The following TNR variants were observed in gnomAD, a reference collection of about 807,000 sequenced individuals.
TNR encodes the protein tenascin R, also known as tenascin-R.
A neutral mutation model predicts 150.4 loss-of-function variants in TNR; 45 were observed. The observed-to-expected ratio is 0.30, with a 90% CI of 0.24 to 0.38. The LOEUF (loss-of-function observed/expected upper bound fraction) is 0.38, where lower values mean the gene tolerates loss of function less well. TNR is among the 10% of genes least tolerant of loss of function. The probability of loss-of-function intolerance (pLI) is 1.00; values close to 1 mark genes in which losing one functional copy is unlikely to be tolerated. For missense variants in TNR, 1,544 were observed against 1,759.1 expected, an observed-to-expected ratio of 0.88 and a Z score of 2.19; for synonymous variants, 687 against 678.4, an observed-to-expected ratio of 1.01 and a Z score of -0.20.
intron 1 of TNR, among the ~76,000 whole-genome samples, chr1:175,730,366 G>A (rs1667606436): frequency 6.6e-6 from 1 of 152,090 alleles, no homozygotes; most frequent in Admixed American, 6.5e-5. Context: ...ACTCCTACCT[G>A]ACACAGCTGG....
intron 1 of TNR, among the ~76,000 whole-genome samples, chr1:175,655,425 A>G (rs942996996): frequency 6.6e-6 from 1 of 152,222 alleles, no homozygotes; most frequent in African/African-American, 2.4e-5. Context: ...TCTGCAGATA[A>G]GCTAAGGCTC....
At chr1:175,696,432 A>G (rs914138624) in intron 1 of TNR, among the ~76,000 whole-genome samples, 4 of 152,100 alleles carry the variant, frequency 2.6e-5, no homozygotes, top group African/African-American at 9.7e-5. Flanking sequence ...CTGAAGACAT[A>G]AAGGTTGTTC....
At chr1:175,366,610 G>A (rs926969006) in intron 10 of TNR, among the ~76,000 whole-genome samples, 1 of 152,234 alleles carries the variant, frequency 6.6e-6, no homozygotes, top group African/African-American at 2.4e-5. Flanking sequence ...TTGTCCATGT[G>A]GTTCTCTAGA....
intron 2 of TNR, among the ~76,000 whole-genome samples, chr1:175,433,889 G>A (rs1655381331): frequency 6.6e-6 from 1 of 152,196 alleles, no homozygotes; most frequent in Non-Finnish European, 1.5e-5. Context: ...TCCTTCAGGA[G>A]GTTAGTACCC....
At chr1:175,675,331 C>T (rs1665827200) in intron 1 of TNR, among the ~76,000 whole-genome samples, 2 of 152,218 alleles carry the variant, frequency 1.3e-5, no homozygotes, top group South Asian at 4.1e-4. Flanking sequence ...CACGGCTTGG[C>T]ACTGCCAACC....
Position 175,406,746 on chromosome 1 carries a change from G to C in TNR, c.-32C>G. Reference sequence around the variant, plus strand: ...AGCCAGAGATCTGGGTTCAGGACCAGCCTGCAGCACACAGCATGGAGTTGT... The same window carrying C: ...AGCCAGAGATCTGGGTTCAGGACCACCCTGCAGCACACAGCATGGAGTTGT... On this transcript the variant is annotated 5_prime_UTR_variant, in exon 3 of 23. Transcript: ENST00000367674. The C allele has an allele frequency of 6.2e-7, 1 of 1,605,306 alleles. No individual in the cohort carries two copies. The highest frequency in any genetic ancestry group is 2.2e-5 in the East Asian group (1 of 44,824).
chr1:175,315,935 G>C lies in TNR; in HGVS notation c.*7422C>G, dbSNP rs1271162594. The C allele has an allele frequency of 6.6e-6, 1 of 152,114 alleles. No individual in the cohort carries two copies. The highest frequency in any genetic ancestry group is 2.4e-5 in the African/African-American group (1 of 41,398). The allele number at this position is 152,114 out of a possible 1,614,324, so 9.4% of individuals were successfully genotyped here. On this transcript the variant is annotated 3_prime_UTR_variant, in exon 23 of 23. Coordinates refer to ENST00000367674, the MANE Select transcript of TNR (RefSeq NM_003285.3). ...GTCTGTGGGACCATGGTGTGAGTCT[G>C]GGCCTCCGCAGTTGGTAAAGGAGCA...
At chr1:175,498,063 ACAACAACAG>A (rs1457824173) in intron 2 of TNR, among the ~76,000 whole-genome samples, 1 of 152,016 alleles carries the variant, frequency 6.6e-6, no homozygotes, top group Non-Finnish European at 1.5e-5. Context: ...CCATCTCAAA[ACAACAACAG>A]CAACAACAAC....
At chr1:175,675,185 C>T (rs190565796) in intron 1 of TNR, among the ~76,000 whole-genome samples, 3 of 152,338 alleles carry the variant, frequency 2.0e-5, no homozygotes, top group Admixed American at 2.0e-4. Context: ...CACTCTGTCC[C>T]ATTGTGCATA....
intron 1 of TNR, among the ~76,000 whole-genome samples, chr1:175,696,512 G>A (rs1666531176): frequency 6.6e-6 from 1 of 152,018 alleles, no homozygotes; most frequent in Admixed American, 6.5e-5. Context: ...TAAAAACATT[G>A]GTTATGAATT....
intron 1 of TNR, among the ~76,000 whole-genome samples, chr1:175,564,920 T>G (rs1027639467): frequency 1.3e-5 from 2 of 152,202 alleles, no homozygotes; most frequent in African/African-American, 4.8e-5. Context: ...TGCCCTTTCC[T>G]TCACCACTAA....
At chr1:175,453,948 G>C (rs906885487) in intron 2 of TNR, among the ~76,000 whole-genome samples, 8 of 152,138 alleles carry the variant, frequency 5.3e-5, no homozygotes. Flanking sequence ...GGTCAGCCAG[G>C]TGGTGAGAAA....
intron 1 of TNR, among the ~76,000 whole-genome samples, chr1:175,651,747 T>C (rs1665002371): frequency 6.6e-6 from 1 of 151,886 alleles, no homozygotes; most frequent in Non-Finnish European, 1.5e-5. Context: ...AGCCTAAAAC[T>C]GCGTAAGGAC....
In TNR at chr1:175,363,845, T is replaced by C; in HGVS notation, c.2588-18A>G. ...ATCAATTCCTACAAGGACCCAGTGA[T>C]TGTGGGAAAAAGACAGAAAGCACAG... On this transcript the variant is annotated intron_variant, in intron 12 of 22. Transcript: ENST00000367674. 4 of 1,598,566 alleles carry C rather than the reference T, an allele frequency of 2.5e-6. No individual in the cohort carries two copies. The highest frequency in any genetic ancestry group is 3.4e-6 in the Non-Finnish European group (4 of 1,171,452).
At position 175,543,356 on chromosome 1, in the gene TNR, T is replaced by C. The variant is rs1265776306; in HGVS notation, c.-164-14987A>G. Among the ~76,000 whole-genome samples the C allele has an allele frequency of 2.0e-5, 3 of 152,114 alleles. No homozygotes were observed. The East Asian group carries it at 5.8e-4, about 29-fold the overall frequency. ...AAAAGGGAGATTTGCTAAGGAATCC[T>C]GTGAAGCTAGCACTGTCAGATTCAG... On this transcript the variant is annotated intron_variant, in intron 1 of 22. Transcript: ENST00000367674.
intron 2 of TNR, among the ~76,000 whole-genome samples, chr1:175,492,191 C>T (rs545677631): frequency 6.6e-6 from 1 of 152,170 alleles, no homozygotes; most frequent in Non-Finnish European, 1.5e-5. Flanking sequence ...GTCTTTCCCC[C>T]CTCTGGAGAA....
At chr1:175,729,127 C>T (rs1004105030) in intron 1 of TNR, among the ~76,000 whole-genome samples, 2 of 152,128 alleles carry the variant, frequency 1.3e-5, no homozygotes, top group African/African-American at 2.4e-5. Context: ...TTTTTATTCT[C>T]CTTAGCAGGT....
At chr1:175,705,436 T>A (rs1666819755) in intron 1 of TNR, among the ~76,000 whole-genome samples, 1 of 152,202 alleles carries the variant, frequency 6.6e-6, no homozygotes, top group Non-Finnish European at 1.5e-5. Flanking sequence ...ATGTAAGTGT[T>A]CTCTACATTG....
At chr1:175,572,810 C>CTAAAA (rs1031940319) in intron 1 of TNR, among the ~76,000 whole-genome samples, 9 of 151,354 alleles carry the variant, frequency 5.9e-5, no homozygotes, top group Non-Finnish European at 8.8e-5. Context: ...ACATCTTTCT[C>CTAAAA]TAAAATAAAA....
Sources: allele counts gnomAD v4.1 joint callset (sites outside exome capture counted in the v4.1 genomes callset), GRCh38; gene constraint gnomAD v4.1.1; transcripts MANE v1.5; gene names NCBI Gene and HGNC (gene_info 2026-07-23, HGNC 2026-07-21).